The following DIS3L2 variants were observed in gnomAD, a reference collection of about 807,000 sequenced individuals.
DIS3L2 encodes the protein DIS3-like exonuclease 2.
A neutral mutation model predicts 97.5 loss-of-function variants in DIS3L2; 34 were observed. That is an observed-to-expected ratio of 0.35 (90% CI 0.27 to 0.46). The LOEUF (loss-of-function observed/expected upper bound fraction) is 0.46. Among genes scored for constraint, DIS3L2 ranks in the 20% least tolerant of loss-of-function variants. DIS3L2 has a pLI of 1.00. For missense variants in DIS3L2, 1,038 were observed against 1,146.0 expected (o/e 0.91, Z 1.36); for synonymous variants, 435 against 445.2 (o/e 0.98, Z 0.29).
chr2:231,977,868 G>T (rs895747669), intron 1 of DIS3L2, among the ~76,000 whole-genome samples: 2 of 152,170 alleles, frequency 1.3e-5, no homozygotes, highest in Non-Finnish European at 2.9e-5. Flanking sequence ...TGTTACACAT[G>T]TTTTTTGTTT....
downstream of DIS3L2, among the ~76,000 whole-genome samples, chr2:232,340,113 C>T (rs1346506478): frequency 1.3e-5 from 2 of 152,196 alleles, no homozygotes. Context: ...CCTGCTGTCA[C>T]TCCCTCCTCC....
intron 3 of DIS3L2, among the ~76,000 whole-genome samples, chr2:232,017,599 GC>G (rs1385988595): frequency 4.6e-5 from 7 of 152,114 alleles, no homozygotes; most frequent in Non-Finnish European, 1.5e-5. Flanking sequence ...GACCCATTGT[GC>G]CTTTCCATTC....
chr2:232,304,390 G>A (rs781444215), intron 14 of DIS3L2, among the ~76,000 whole-genome samples: 4 of 152,196 alleles, frequency 2.6e-5, no homozygotes, highest in African/African-American at 4.8e-5. Context: ...GCAAAGATAC[G>A]TTAGACCCAG....
At chr2:232,057,843 A>G (rs1695591586) in intron 5 of DIS3L2, among the ~76,000 whole-genome samples, 1 of 152,164 alleles carries the variant, frequency 6.6e-6, no homozygotes, top group Non-Finnish European at 1.5e-5. Context: ...CTGTTTCCTC[A>G]TCTTGGTTAG....
At chr2:232,265,262 T>A (rs768498270) in intron 13 of DIS3L2, among the ~76,000 whole-genome samples, 4 of 152,210 alleles carry the variant, frequency 2.6e-5, no homozygotes, top group Non-Finnish European at 5.9e-5. Context: ...AGAAGCCTCT[T>A]CTGTCCACCA....
chr2:231,981,183 A>G (rs1693245504), intron 1 of DIS3L2, among the ~76,000 whole-genome samples: 1 of 152,120 alleles, frequency 6.6e-6, no homozygotes, highest in Non-Finnish European at 1.5e-5. Flanking sequence ...ACCTCAAGTG[A>G]TCTGCCTACC....
At chr2:232,000,324 T>C (rs1477036951) in intron 1 of DIS3L2, among the ~76,000 whole-genome samples, 2 of 152,236 alleles carry the variant, frequency 1.3e-5, no homozygotes, top group Non-Finnish European at 2.9e-5. Flanking sequence ...TATATTGTTA[T>C]TAACTCTAGT....
intron 6 of DIS3L2, among the ~76,000 whole-genome samples, chr2:232,113,717 C>T (rs1371735770): frequency 6.6e-6 from 1 of 152,240 alleles, no homozygotes; most frequent in Non-Finnish European, 1.5e-5. Flanking sequence ...TATCCTTGTT[C>T]ATTCCTGGGA....
At chr2:232,287,589 C>T (rs1447289408) in intron 13 of DIS3L2, among the ~76,000 whole-genome samples, 3 of 151,880 alleles carry the variant, frequency 2.0e-5, no homozygotes, top group Non-Finnish European at 4.4e-5. Context: ...ACGGAGGTCT[C>T]GCTCTGTTGC....
chr2:232,087,096 C>T (rs1696683399), intron 5 of DIS3L2, among the ~76,000 whole-genome samples: 1 of 152,008 alleles, frequency 6.6e-6, no homozygotes, highest in Admixed American at 6.6e-5. Context: ...TTTAGGAACA[C>T]TGTGGCATAC....
intron 6 of DIS3L2, chr2:232,111,387 A>T (rs1429547320): frequency 5.4e-6 from 2 of 371,166 alleles, no homozygotes; most frequent in Non-Finnish European, 1.1e-5. Context: ...CCTTTCTCAT[A>T]TGTATACCGA....
intron 6 of DIS3L2, among the ~76,000 whole-genome samples, chr2:232,093,449 T>C (rs2106315768): frequency 6.6e-6 from 1 of 152,260 alleles, no homozygotes; most frequent in African/African-American, 2.4e-5. Context: ...TTCAGAATAG[T>C]TTGAGTAGGA....
Position 232,275,811 on chromosome 2 carries a change from C to CTG in DIS3L2, c.1659+12373_1659+12374dup, listed in dbSNP as rs916877309. ...TGGTCACAGCACTCAGAGTGGCTTA[C>CTG]TGTCTCCTGGAAGACGTAGAGGCAG... On this transcript the variant is annotated intron_variant, in intron 13 of 20. Coordinates refer to ENST00000325385, the MANE Select transcript of DIS3L2 (RefSeq NM_152383.5). Among the ~76,000 whole-genome samples, 64 of 152,178 alleles carry CTG rather than the reference C, an allele frequency of 4.2e-4. 1 individual carries two copies. Among genetic ancestry groups the CTG allele is most frequent in the Admixed American group, 3.9e-4 (6 of 15,280 alleles).
intron 13 of DIS3L2, among the ~76,000 whole-genome samples, chr2:232,298,801 A>G (rs966705997): frequency 2.6e-5 from 4 of 152,230 alleles, no homozygotes; most frequent in African/African-American, 7.2e-5. Context: ...TGCATTTGGA[A>G]TGTTAAAGCT....
At chr2:232,123,373 A>G (rs1697964632) in intron 6 of DIS3L2, among the ~76,000 whole-genome samples, 1 of 152,170 alleles carries the variant, frequency 6.6e-6, no homozygotes. Flanking sequence ...AATGAATGTG[A>G]GTACCCACTT....
intron 13 of DIS3L2, among the ~76,000 whole-genome samples, chr2:232,265,118 A>G (rs1693819981): frequency 6.6e-6 from 1 of 152,170 alleles, no homozygotes; most frequent in East Asian, 1.9e-4. Context: ...TGGCTGCCTG[A>G]TTGTCAAGTC....
intron 14 of DIS3L2, among the ~76,000 whole-genome samples, chr2:232,324,904 G>A (rs535066898): frequency 6.6e-6 from 1 of 152,318 alleles, no homozygotes; most frequent in African/African-American, 2.4e-5. Context: ...GAAGCCCCTT[G>A]TCTCCATGGC....
chr2:232,290,427 C>T (rs929400430), intron 13 of DIS3L2, among the ~76,000 whole-genome samples: 3 of 152,144 alleles, frequency 2.0e-5, no homozygotes, highest in Admixed American at 6.5e-5. Context: ...TAATACAGGT[C>T]GTGTGGGACA....
At chr2:232,187,187 A>G (rs543161264) in intron 9 of DIS3L2, among the ~76,000 whole-genome samples, 1 of 152,324 alleles carries the variant, frequency 6.6e-6, no homozygotes, top group Non-Finnish European at 1.5e-5. Flanking sequence ...CAAAAATGCA[A>G]ATCAAAACCA....
Sources: gnomAD v4.1 joint callset for allele counts (sites outside exome capture counted in the v4.1 genomes callset) on GRCh38, gnomAD v4.1.1 for gene constraint, MANE v1.5 for transcripts, NCBI Gene and HGNC (gene_info 2026-07-23, HGNC 2026-07-21) for gene names.